The following ARHGAP31 variants were observed in gnomAD, a reference collection of about 807,000 sequenced individuals.
ARHGAP31 encodes the protein rho GTPase-activating protein 31.
ARHGAP31 carries 34 observed loss-of-function variants against 113.9 expected under a neutral mutation model. The ratio of observed to expected loss-of-function variants is 0.30; its 90% CI spans 0.23 to 0.40. ARHGAP31 has a LOEUF of 0.40. Ranked by LOEUF, ARHGAP31 falls within the 10% of genes least tolerant of loss-of-function variation. ARHGAP31 has a pLI of 1.00. For missense variants in ARHGAP31, 1,548 were observed against 1,767.1 expected (o/e 0.88, Z 2.22); for synonymous variants, 650 against 684.8 (o/e 0.95, Z 0.79).
rs568786857 is a variant in ARHGAP31 at position 119,419,829 on chromosome 3, T to G, written c.*3565T>G. On this transcript the variant is annotated 3_prime_UTR_variant, in exon 12 of 12. Coordinates refer to ENST00000264245, the MANE Select transcript of ARHGAP31 (RefSeq NM_020754.4). The stretch of plus-strand genomic sequence containing the variant: ...GAAAACTGGAAAGTGGCAACTAGGC[T>G]AGAATAGTGGCAACTAGGTTCGGAG... The G allele has an allele frequency of 3.9e-5, 6 of 152,220 alleles. No individual in the cohort carries two copies. The highest frequency in any genetic ancestry group is 5.9e-5 in the Non-Finnish European group (4 of 68,054). 9.4% of individuals were successfully genotyped at this position (152,220 alleles called of 1,614,324 possible).
In ARHGAP31 at chr3:119,416,311, A is replaced by C; in HGVS notation, c.*47A>C. ...CTGAAAAAAACCGTGATTCATCTGG[A>C]AGTTATTACAGGGCCAGCTTGCCAT... On this transcript the variant is annotated 3_prime_UTR_variant, in exon 12 of 12. Transcript: ENST00000264245. 6.2e-7 allele frequency: 1 copy of C among 1,607,080 alleles called. No homozygotes were observed. Among genetic ancestry groups the C allele is most frequent in the Middle Eastern group, 1.7e-4 (1 of 5,766 alleles).
At position 119,414,354 on chromosome 3, in the gene ARHGAP31, T is replaced by C. The variant is rs1377322226; in HGVS notation, c.2425T>C (p.Ser809Pro). ...LSKGGPERED[S>P]SRKLRTDLYI... ...AAAGGGCGGCCCGGAAAGAGAAGAC[T>C]CATCCAGGAAATTGAGGACAGATCT... The change falls in exon 12 of 12, where the codon TCA becomes CCA. Residue 809 changes from serine (S) to proline (P), a missense_variant. Physicochemically the swap from Ser to Pro is moderately conservative, Grantham distance 74. Coordinates refer to ENST00000264245, the MANE Select transcript of ARHGAP31 (RefSeq NM_020754.4). 6 of 1,613,974 alleles carry C rather than the reference T, an allele frequency of 3.7e-6. No individual in the cohort carries two copies. Among genetic ancestry groups the C allele is most frequent in the Non-Finnish European group, 5.1e-6 (6 of 1,180,016 alleles).
chr3:119,401,690 C>A, intron 9 of ARHGAP31, 132 bp from the exon 10 acceptor site: 1 of 807,922 alleles, frequency 1.2e-6, no homozygotes, highest in Non-Finnish European at 2.1e-6. Flanking sequence ...CTGTCTTTAT[C>A]TGGGCGGTTA....
chr3:119,410,723 G>T (rs2080708042), intron 11 of ARHGAP31, among the ~76,000 whole-genome samples: 1 of 152,226 alleles, frequency 6.6e-6, no homozygotes, highest in Admixed American at 6.5e-5. Context: ...ACAAGTAAAG[G>T]CATCAGTTCA....
intron 1 of ARHGAP31, among the ~76,000 whole-genome samples, chr3:119,303,792 GT>G (rs1279288781): frequency 2.0e-5 from 3 of 148,692 alleles, no homozygotes; most frequent in Admixed American, 2.0e-4. Context: ...GTTTTTTGTT[GT>G]TGTTGTTGTT....
At chr3:119,337,274 G>C (rs368319724) in intron 1 of ARHGAP31, among the ~76,000 whole-genome samples, 1 of 152,134 alleles carries the variant, frequency 6.6e-6, no homozygotes, top group African/African-American at 2.4e-5. Context: ...TCTTACAGAC[G>C]TCAGGAGTGA....
At chr3:119,295,026 C>T (rs774285833) in intron 1 of ARHGAP31, 22 bp downstream of exon 1, 13 of 1,606,838 alleles carry the variant, frequency 8.1e-6, no homozygotes, top group Non-Finnish European at 1.1e-5. Flanking sequence ...TGGCCTTTCT[C>T]CCCCGCCCCC....
At chr3:119,362,126 C>G (rs114600316) in intron 1 of ARHGAP31, among the ~76,000 whole-genome samples, 54 of 152,312 alleles carry the variant, frequency 3.5e-4, no homozygotes, top group African/African-American at 1.2e-3. Flanking sequence ...CGGGCTGGAA[C>G]AGGTTGGTTA....
At chr3:119,402,531 G>A (rs868643290) in intron 10 of ARHGAP31, 134 bp downstream of exon 10, 32 of 937,176 alleles carry the variant, frequency 3.4e-5, no homozygotes, top group South Asian at 3.4e-4. Flanking sequence ...ACAAATCCAC[G>A]CTCTGCCATT....
chr3:119,294,829 C>T lies in ARHGAP31; in HGVS notation c.-76C>T. 1 of 1,370,850 alleles carries T rather than the reference C, an allele frequency of 7.3e-7. No homozygotes were observed. The highest frequency in any genetic ancestry group is 1.2e-5 in the South Asian group (1 of 86,040). The allele number at this position is 1,370,850 out of a possible 1,614,324, so 84.9% of individuals were successfully genotyped here. ...AGCCGCGGGGCAGCCGGTGATCTAGCCCGGGAGCCCATCTTACAGCGGTGC... is the reference window on the plus strand; with the variant it reads ...AGCCGCGGGGCAGCCGGTGATCTAGTCCGGGAGCCCATCTTACAGCGGTGC... On this transcript the variant is annotated 5_prime_UTR_variant, in exon 1 of 12. Coordinates refer to ENST00000264245, the MANE Select transcript of ARHGAP31 (RefSeq NM_020754.4).
chr3:119,407,355 AAAAG>A (rs35004138), intron 10 of ARHGAP31, among the ~76,000 whole-genome samples: 2 of 135,670 alleles, frequency 1.5e-5, no homozygotes, highest in African/African-American at 5.6e-5. Context: ...TCGAAAAAAA[AAAAG>A]AAAGAAAGAA....
At chr3:119,321,902 C>T (rs554929374) in intron 1 of ARHGAP31, among the ~76,000 whole-genome samples, 1 of 152,350 alleles carries the variant, frequency 6.6e-6, no homozygotes, top group Non-Finnish European at 1.5e-5. Context: ...ATCTGCCCGC[C>T]TCAGCCTCCC....
chr3:119,331,348 A>G (rs2079890295), intron 1 of ARHGAP31, among the ~76,000 whole-genome samples: 1 of 152,232 alleles, frequency 6.6e-6, no homozygotes, highest in Admixed American at 6.5e-5. Context: ...TTCTGTGTGT[A>G]TGTAGAGTAT....
intron 10 of ARHGAP31, among the ~76,000 whole-genome samples, chr3:119,402,942 G>T (rs1288316024): frequency 6.6e-6 from 1 of 152,186 alleles, no homozygotes. Flanking sequence ...GATATCAAAT[G>T]CAGGAAGGAT....
chr3:119,306,638 G>C (rs1284114200), intron 1 of ARHGAP31, among the ~76,000 whole-genome samples: 1 of 152,188 alleles, frequency 6.6e-6, no homozygotes, highest in Non-Finnish European at 1.5e-5. Flanking sequence ...TACCGAATGG[G>C]TTCCATAGTT....
At chr3:119,322,370 G>A (rs140935271) in intron 1 of ARHGAP31, among the ~76,000 whole-genome samples, 13 of 152,214 alleles carry the variant, frequency 8.5e-5, no homozygotes, top group African/African-American at 3.1e-4. Flanking sequence ...CTAACCCACA[G>A]TGACAATTGC....
At chr3:119,320,541 C>T (rs368510252) in intron 1 of ARHGAP31, among the ~76,000 whole-genome samples, 11 of 152,228 alleles carry the variant, frequency 7.2e-5, no homozygotes, top group African/African-American at 2.4e-4. Flanking sequence ...CCATTGTAAA[C>T]AAAACTTTTC....
chr3:119,323,651 C>T (rs975582836), intron 1 of ARHGAP31, among the ~76,000 whole-genome samples: 12 of 152,162 alleles, frequency 7.9e-5, no homozygotes, highest in African/African-American at 2.7e-4. Flanking sequence ...GAAGAGGCAG[C>T]CAATGGTGGC....
intron 9 of ARHGAP31, among the ~76,000 whole-genome samples, chr3:119,400,269 T>TA (rs969464416): frequency 2.6e-5 from 4 of 151,740 alleles, no homozygotes; most frequent in Non-Finnish European, 4.4e-5. Context: ...CTCTCTGTAC[T>TA]AAAAAAAATA....
Sources: gnomAD v4.1 joint callset for allele counts (sites outside exome capture counted in the v4.1 genomes callset) on GRCh38, gnomAD v4.1.1 for gene constraint, MANE v1.5 for transcripts, NCBI Gene and HGNC (gene_info 2026-07-23, HGNC 2026-07-21) for gene names.